Variants in PDE1A observed in about 807,000 individuals in gnomAD.
The protein encoded by PDE1A is phosphodiesterase 1A.
A neutral mutation model predicts 61.7 loss-of-function variants in PDE1A; 35 were observed. The observed-to-expected ratio is 0.57, with a 90% CI of 0.43 to 0.75. The LOEUF is 0.75. Ranked by LOEUF, PDE1A falls within the 30% of genes least tolerant of loss-of-function variation. The pLI is 0.00. For synonymous variants in PDE1A, 232 were observed against 213.2 expected (o/e 1.09, Z -0.77); for missense variants, 597 against 630.6 (o/e 0.95, Z 0.57).
intron 6 of PDE1A, among the ~76,000 whole-genome samples, chr2:182,226,287 T>G (rs568813914): frequency 6.7e-6 from 1 of 149,944 alleles, no homozygotes; most frequent in African/African-American, 2.5e-5. Context: ...ATATTTACAA[T>G]TATTATCTTG....
chr2:182,498,045 CAAAAAAAA>C (rs57707793), intron 2 of PDE1A, among the ~76,000 whole-genome samples: 6 of 64,320 alleles, frequency 9.3e-5, no homozygotes, highest in African/African-American at 2.4e-4. Context: ...GATTGCGTCT[CAAAAAAAA>C]AAAAAAAAAA....
intron 2 of PDE1A, among the ~76,000 whole-genome samples, chr2:182,255,782 CAAGTAGCTGGG>C (rs1691736375): frequency 6.6e-6 from 1 of 151,780 alleles, no homozygotes; most frequent in Non-Finnish European, 1.5e-5. Context: ...CTCACCCTCC[CAAGTAGCTGGG>C]ACTACAGGTG....
At chr2:182,687,728 T>C in the PDE1A span, among the ~76,000 whole-genome samples, 1 of 152,090 alleles carries the variant, frequency 6.6e-6, no homozygotes, top group Non-Finnish European at 1.5e-5. Flanking sequence ...ACAATTAAAC[T>C]TCTCCAAGCT....
At chr2:182,502,113 A>G (rs1689115390) in intron 2 of PDE1A, among the ~76,000 whole-genome samples, 1 of 152,052 alleles carries the variant, frequency 6.6e-6, no homozygotes, top group Non-Finnish European at 1.5e-5. Flanking sequence ...TCCTTCCTCA[A>G]ATGCCTCTTC....
chr2:182,563,915 T>C, the PDE1A span, among the ~76,000 whole-genome samples: 2 of 152,160 alleles, frequency 1.3e-5, no homozygotes, highest in South Asian at 4.1e-4. Flanking sequence ...TGGTAGATCT[T>C]CCTCCCTCCT....
intron 1 of PDE1A, among the ~76,000 whole-genome samples, chr2:182,308,822 C>T (rs921762237): frequency 4.6e-5 from 7 of 151,838 alleles, no homozygotes; most frequent in Non-Finnish European, 7.4e-5. Flanking sequence ...GTGCAGCGTG[C>T]AACCTATAAA....
At chr2:182,586,777 C>T in the PDE1A span, among the ~76,000 whole-genome samples, 3 of 152,174 alleles carry the variant, frequency 2.0e-5, no homozygotes, top group Non-Finnish European at 4.4e-5. Context: ...TTTACACTGA[C>T]ATTTATTCAT....
chr2:182,169,929 C>T (rs911970947), intron 13 of PDE1A, among the ~76,000 whole-genome samples: 2 of 117,630 alleles, frequency 1.7e-5, no homozygotes, highest in African/African-American at 2.9e-5. Flanking sequence ...CACGCACACA[C>T]ACACACACAC....
chr2:182,669,435 G>A, the PDE1A span, among the ~76,000 whole-genome samples: 3 of 152,132 alleles, frequency 2.0e-5, no homozygotes, highest in Admixed American at 1.3e-4. Context: ...AAAATTTGTT[G>A]AATTTTGCTA....
chr2:182,642,815 T>C, the PDE1A span, among the ~76,000 whole-genome samples: 3 of 152,202 alleles, frequency 2.0e-5, no homozygotes, highest in Non-Finnish European at 4.4e-5. Context: ...TAGGGAACAT[T>C]GTCTGGCTTA....
intron 11 of PDE1A, among the ~76,000 whole-genome samples, chr2:182,187,605 T>A (rs1413030919): frequency 6.6e-6 from 1 of 152,210 alleles, no homozygotes; most frequent in African/African-American, 2.4e-5. Context: ...GTAACTGGAT[T>A]ACTTATAGTA....
the PDE1A span, among the ~76,000 whole-genome samples, chr2:182,590,765 A>G: frequency 6.6e-6 from 1 of 152,224 alleles, no homozygotes; most frequent in African/African-American, 2.4e-5. Context: ...TGGTTCTGAG[A>G]GGAAAATATA....
upstream of PDE1A, among the ~76,000 whole-genome samples, chr2:182,429,134 T>G (rs1703790259): frequency 1.3e-5 from 2 of 152,068 alleles, no homozygotes; most frequent in African/African-American, 4.8e-5. Flanking sequence ...TTAAAACCAA[T>G]CTGAGACCCT....
chr2:182,527,336 A>ATG (rs1248969004), upstream of PDE1A, among the ~76,000 whole-genome samples: 15 of 7,100 alleles, frequency 2.1e-3, 1 homozygote, highest in African/African-American at 9.8e-3. Flanking sequence ...AAATATATAT[A>ATG]TATATATATA....
chr2:182,271,456 C>T (rs1418502898), intron 1 of PDE1A, among the ~76,000 whole-genome samples: 2 of 152,058 alleles, frequency 1.3e-5, no homozygotes, highest in Admixed American at 1.3e-4. Context: ...CCCCAAAAGT[C>T]ACAATTTAGG....
intron 1 of PDE1A, among the ~76,000 whole-genome samples, chr2:182,368,584 G>A (rs912404149): frequency 1.3e-5 from 2 of 149,918 alleles, no homozygotes; most frequent in Admixed American, 1.3e-4. Context: ...TGATTCATCT[G>A]TTGTTGCATC....
intron 2 of PDE1A, among the ~76,000 whole-genome samples, chr2:182,456,927 T>C (rs188056941): frequency 1.1e-4 from 16 of 152,210 alleles, no homozygotes; most frequent in Non-Finnish European, 1.9e-4. Flanking sequence ...TCTTTTATAT[T>C]GCAGGATGGA....
chr2:182,383,210 C>T (rs1006868244), intron 1 of PDE1A, among the ~76,000 whole-genome samples: 2 of 152,310 alleles, frequency 1.3e-5, no homozygotes, highest in Admixed American at 6.5e-5. Flanking sequence ...TCCACCCATA[C>T]TTCAAGACAT....
chr2:182,256,039 T>C (rs1169590188), intron 2 of PDE1A, among the ~76,000 whole-genome samples: 25 of 446 alleles, frequency 0.056, no homozygotes, highest in East Asian at 0.19. Context: ...GGATGACTTC[T>C]TTTTTTTTTT....
Sources: allele counts gnomAD v4.1 joint callset (sites outside exome capture counted in the v4.1 genomes callset), GRCh38; gene constraint gnomAD v4.1.1; transcripts MANE v1.5; gene names NCBI Gene and HGNC (gene_info 2026-07-23, HGNC 2026-07-21).